Variants in ARHGEF37 observed in about 807,000 individuals in gnomAD.
ARHGEF37 encodes the protein Rho guanine nucleotide exchange factor 37, also known as Rho guanine nucleotide exchange factor (GEF) 37.
A neutral mutation model predicts 71.1 loss-of-function variants in ARHGEF37; 55 were observed. The ratio of observed to expected loss-of-function variants is 0.77; its 90% CI spans 0.62 to 0.97. ARHGEF37 has a LOEUF of 0.97. Ranked by LOEUF, ARHGEF37 falls within the 50% of genes least tolerant of loss-of-function variation. The pLI is 0.00. For missense variants in ARHGEF37, 765 were observed against 836.8 expected (o/e 0.91, Z 1.06); for synonymous variants, 327 against 350.6 (o/e 0.93, Z 0.75).
intron 4 of ARHGEF37, among the ~76,000 whole-genome samples, chr5:149,610,100 C>T (rs1764034893): frequency 6.6e-6 from 1 of 152,178 alleles, no homozygotes; most frequent in African/African-American, 2.4e-5. Context: ...AATTCATTGG[C>T]CAGGACTAAT....
At position 149,633,618 on chromosome 5, in the gene ARHGEF37, A is replaced by T. The variant is rs1319971778; in HGVS notation, c.*1427A>T. 1 of 152,260 alleles carries T rather than the reference A, an allele frequency of 6.6e-6. No homozygotes were observed. The highest frequency in any genetic ancestry group is 1.5e-5 in the Non-Finnish European group (1 of 68,052). The allele number at this position is 152,260 out of a possible 1,614,324, so 9.4% of individuals were successfully genotyped here. On this transcript the variant is annotated 3_prime_UTR_variant, in exon 13 of 13. Transcript: ENST00000333677. ...GTTGCAAGATTCACAGAAATGGGAA[A>T]ATGTGACCAAGTGTGATCTTAACAA...
upstream of ARHGEF37, among the ~76,000 whole-genome samples, chr5:149,577,571 TC>T (rs1763041226): frequency 6.6e-6 from 1 of 152,204 alleles, no homozygotes; most frequent in Non-Finnish European, 1.5e-5. Context: ...ATAAAGAAGT[TC>T]TCTGATTAGC....
chr5:149,564,195 A>T (rs898082843), intron 1 of ARHGEF37, among the ~76,000 whole-genome samples: 1 of 151,968 alleles, frequency 6.6e-6, no homozygotes, highest in Non-Finnish European at 1.5e-5. Context: ...GTCCTCAAGC[A>T]ATCCATCTGC....
At chr5:149,573,952 T>C (rs1205852661) in intron 1 of ARHGEF37, among the ~76,000 whole-genome samples, 1 of 152,210 alleles carries the variant, frequency 6.6e-6, no homozygotes, top group African/African-American at 2.4e-5. Flanking sequence ...ATATGGGCTA[T>C]TTTTAACTTT....
intron 1 of ARHGEF37, among the ~76,000 whole-genome samples, chr5:149,594,145 C>T (rs1473183505): frequency 1.3e-5 from 2 of 152,122 alleles, no homozygotes; most frequent in African/African-American, 2.4e-5. Context: ...TAAGGGATAA[C>T]ACATGCTGCT....
chr5:149,601,656 G>C (rs1763759375), intron 3 of ARHGEF37, among the ~76,000 whole-genome samples: 1 of 152,174 alleles, frequency 6.6e-6, no homozygotes, highest in Non-Finnish European at 1.5e-5. Context: ...CAGAATTGTA[G>C]GTAATAATTT....
chr5:149,597,694 A>G, intron 1 of ARHGEF37, 65 bp from the exon 2 acceptor site: 1 of 1,411,618 alleles, frequency 7.1e-7, no homozygotes, highest in Non-Finnish European at 9.4e-7. Context: ...TTGTCATTGA[A>G]TTAGAGACAG....
chr5:149,607,867 C>T (rs1342057738), intron 3 of ARHGEF37, among the ~76,000 whole-genome samples: 10 of 149,436 alleles, frequency 6.7e-5, no homozygotes, highest in African/African-American at 2.2e-4. Flanking sequence ...CCTGGGTTCA[C>T]GCCATTCTCC....
chr5:149,570,740 G>T (rs1762953314), intron 1 of ARHGEF37, among the ~76,000 whole-genome samples: 1 of 151,184 alleles, frequency 6.6e-6, no homozygotes, highest in Non-Finnish European at 1.5e-5. Flanking sequence ...GCTGGGCGTG[G>T]TGGTGTGCAC....
rs753923205 is a variant in ARHGEF37 at position 149,627,126 on chromosome 5, T to C, written c.1515T>C (p.Tyr505=). ...ERQVQALLSR[Y]GPGKLYQVTS... ...AGGTGCAGGCTCTCCTGAGCAGGTATGGCCCTGGGAAGCTGTACCAGGTGA... is the reference window on the plus strand; with the variant it reads ...AGGTGCAGGCTCTCCTGAGCAGGTACGGCCCTGGGAAGCTGTACCAGGTGA... Residue 505 remains tyrosine (Y), a synonymous_variant, in exon 11 of 13, where the codon TAT becomes TAC. Coordinates refer to ENST00000333677, the MANE Select transcript of ARHGEF37 (RefSeq NM_001001669.3). 1 of 1,614,158 alleles carries C rather than the reference T, an allele frequency of 6.2e-7. No individual in the cohort carries two copies. Among genetic ancestry groups the C allele is most frequent in the South Asian group, 1.1e-5 (1 of 91,080 alleles).
Position 149,632,372 on chromosome 5 carries a change from G to T in ARHGEF37, c.*181G>T. The T allele has an allele frequency of 1.5e-6, 1 of 655,348 alleles. No homozygotes were observed. 40.6% of individuals were successfully genotyped at this position (655,348 alleles called of 1,614,324 possible). ...GGCCTCGCAGAGTGCTTGGTGTGGT[G>T]GGGGCACAGGAGGCTCCAGCCAGGA... On this transcript the variant is annotated 3_prime_UTR_variant, in exon 13 of 13. Transcript: ENST00000333677.
intron 3 of ARHGEF37, among the ~76,000 whole-genome samples, chr5:149,602,244 A>T (rs1345332170): frequency 6.6e-6 from 1 of 151,830 alleles, no homozygotes; most frequent in Non-Finnish European, 1.5e-5. Flanking sequence ...TTTAGTAGAG[A>T]CAGGGTTTCA....
intron 1 of ARHGEF37, among the ~76,000 whole-genome samples, chr5:149,568,930 T>A (rs1407059190): frequency 6.6e-6 from 1 of 151,508 alleles, no homozygotes; most frequent in East Asian, 1.9e-4. Context: ...GATTTTTTTT[T>A]ATCATAGATT....
chr5:149,620,341 G>C lies in ARHGEF37; in HGVS notation c.895-13G>C, dbSNP rs1363891934. 6.3e-7 allele frequency: 1 copy of C among 1,590,942 alleles called. No homozygotes were observed. Among genetic ancestry groups the C allele is most frequent in the African/African-American group, 1.4e-5 (1 of 73,786 alleles). ...AGGCATGATTGGATGTTTCTCCTTG[G>C]TACTGGGTCCAGGCTTTCCTCTACT... On this transcript the variant is annotated splice_polypyrimidine_tract_variant and intron_variant, in intron 7 of 12. Coordinates refer to ENST00000333677, the MANE Select transcript of ARHGEF37 (RefSeq NM_001001669.3).
chr5:149,621,718 CA>C lies in ARHGEF37; in HGVS notation c.1006-14del. ...CACCTCCTTTCCCGACTCCCACGCT[CA>C]TGTCTCCCCACAGAAGCAACGGCTA... is the stretch of plus-strand genomic sequence containing the variant. On this transcript the variant is annotated splice_polypyrimidine_tract_variant and intron_variant, in intron 8 of 12. Transcript: ENST00000333677. 6.2e-7 allele frequency: 1 copy of C among 1,601,244 alleles called. No homozygotes were observed. The highest frequency in any genetic ancestry group is 8.5e-7 in the Non-Finnish European group (1 of 1,172,508).
Position 149,621,884 on chromosome 5 carries a change from A to G in ARHGEF37, c.1157A>G (p.Tyr386Cys), listed in dbSNP as rs1479972698. The G allele has an allele frequency of 4.3e-6, 7 of 1,614,102 alleles. No homozygotes were observed. Among genetic ancestry groups the G allele is most frequent in the Non-Finnish European group, 5.9e-6 (7 of 1,180,046 alleles). Residue 386 changes from tyrosine (Y) to cysteine (C), a missense_variant, in exon 9 of 13, where the codon TAC becomes TGC. Tyr to Cys is a radical substitution (Grantham distance 194). This residue lies in a region of ARHGEF37 where 390 missense variants were observed against 407.4 expected (regional missense o/e 0.96). Coordinates refer to ENST00000333677, the MANE Select transcript of ARHGEF37 (RefSeq NM_001001669.3). ...CTGCTGGAGGTGGGCAGTGTGACCT[A>G]CCAGGAGGAGGCCGCCCGGCACACA... ...EKLLEVGSVT[Y>C]QEEAARHTYQ... is the part of the protein sequence containing the mutation.
At chr5:149,579,395 CACTT>C (rs1045811869), upstream of ARHGEF37, among the ~76,000 whole-genome samples, 3 of 152,120 alleles carry the variant, frequency 2.0e-5, no homozygotes, top group Admixed American at 2.0e-4. Context: ...CTCTAAGACT[CACTT>C]AGTTTCTTTA....
rs1040556047 is a variant in ARHGEF37, at chr5:149,632,824, A to T, written c.*633A>T. On this transcript the variant is annotated 3_prime_UTR_variant, in exon 13 of 13. Coordinates refer to ENST00000333677, the MANE Select transcript of ARHGEF37 (RefSeq NM_001001669.3). ...CTGGGAGTGGGTGTGACCAAGTCATAGTTCTGGAATGTGTGTAGGCAAATT... is the reference window on the plus strand; with the variant it reads ...CTGGGAGTGGGTGTGACCAAGTCATTGTTCTGGAATGTGTGTAGGCAAATT... 1.9e-5 allele frequency: 3 copies of T among 154,548 alleles called. No homozygotes were observed. The highest frequency in any genetic ancestry group is 4.3e-5 in the Non-Finnish European group (3 of 69,394). The allele number at this position is 154,548 out of a possible 1,614,324, so 9.6% of individuals were successfully genotyped here. A position where few individuals can be genotyped will look rare whatever the true frequency, so the allele number is the denominator to read the frequency against.
At chr5:149,630,469 G>A (rs886486797) in intron 12 of ARHGEF37, among the ~76,000 whole-genome samples, 5 of 152,258 alleles carry the variant, frequency 3.3e-5, no homozygotes, top group East Asian at 3.9e-4. Flanking sequence ...GGAGCCTGCC[G>A]CAGGCTGTGA....
Sources: allele counts gnomAD v4.1 joint callset (sites outside exome capture counted in the v4.1 genomes callset), GRCh38; gene constraint gnomAD v4.1.1; regional missense constraint gnomAD v4.1.1; transcripts MANE v1.5; gene names NCBI Gene and HGNC (gene_info 2026-07-23, HGNC 2026-07-21).